The following TLL1 variants were observed in gnomAD, a reference collection of about 807,000 sequenced individuals.
TLL1 encodes tolloid-like protein 1.
In TLL1, 49 loss-of-function variants were observed where a neutral mutation model predicts 128.2. The observed-to-expected ratio is 0.38, with a 90% confidence interval of 0.30 to 0.48. TLL1 has a LOEUF of 0.48. TLL1 is among the 20% of genes least tolerant of loss of function. The pLI, the probability that TLL1 is intolerant of heterozygous loss-of-function variation, is 0.96. For synonymous variants in TLL1, 454 were observed against 418.8 expected (o/e 1.08, Z -1.03); for missense variants, 1,123 against 1,242.0 (o/e 0.90, Z 1.44).
chr4:165,992,308 G>C (rs1736680698), intron 2 of TLL1, among the ~76,000 whole-genome samples: 1 of 152,048 alleles, frequency 6.6e-6, no homozygotes, highest in Admixed American at 6.6e-5. Flanking sequence ...TTGTTAAAAT[G>C]TGATATGCTT....
intron 12 of TLL1, among the ~76,000 whole-genome samples, chr4:166,051,299 T>TTCCTTCCTTCCTTCC: frequency 7.9e-6 from 1 of 126,534 alleles, no homozygotes; most frequent in South Asian, 3.0e-4. Flanking sequence ...CCCTCCCTCC[T>TTCCTTCCTTCCTTCC]TTCCTTCCTT....
intron 8 of TLL1, among the ~76,000 whole-genome samples, chr4:166,016,646 TTTTA>T (rs1737965732): frequency 6.6e-6 from 1 of 152,068 alleles, no homozygotes. Flanking sequence ...GTGTACATTA[TTTTA>T]TTTAATACAA....
rs1485406353 is a variant in TLL1, at chr4:166,055,102, T to C, written c.1551T>C (p.Tyr517=). The C allele has an allele frequency of 6.2e-7, 1 of 1,612,274 alleles. No individual in the cohort carries two copies. The highest frequency in any genetic ancestry group is 8.5e-7 in the Non-Finnish European group (1 of 1,179,398). Residue 517 remains tyrosine, a synonymous_variant, in exon 13 of 21, where the codon TAT becomes TAC. Coordinates refer to ENST00000061240, the MANE Select transcript of TLL1 (RefSeq NM_012464.5). ...TTGAAAGACATGACAATTGTGCTTA[T>C]GACTACCTGGAAGTTAGAGATGGAA... ...FEIERHDNCA[Y]DYLEVRDGTS... is the part of the protein sequence containing the mutation.
intron 7 of TLL1, among the ~76,000 whole-genome samples, chr4:166,011,210 T>C (rs1737680088): frequency 6.6e-6 from 1 of 151,518 alleles, no homozygotes; most frequent in African/African-American, 2.4e-5. Context: ...GTTGGGATTC[T>C]GATAGAAATT....
At chr4:166,036,925 T>A (rs1347204998) in intron 9 of TLL1, among the ~76,000 whole-genome samples, 3 of 152,140 alleles carry the variant, frequency 2.0e-5, no homozygotes, top group African/African-American at 7.2e-5. Context: ...AATTTAGCTT[T>A]ATTTTTTTTC....
chr4:165,942,495 C>G (rs1298359569), intron 1 of TLL1, among the ~76,000 whole-genome samples: 1 of 151,778 alleles, frequency 6.6e-6, no homozygotes, highest in Non-Finnish European at 1.5e-5. Flanking sequence ...AAGTAACCTC[C>G]TATCTGTATT....
At chr4:165,911,476 A>G (rs1271807504) in intron 1 of TLL1, among the ~76,000 whole-genome samples, 1 of 152,160 alleles carries the variant, frequency 6.6e-6, no homozygotes, top group Non-Finnish European at 1.5e-5. Flanking sequence ...ATCTTTGATG[A>G]TGAGAATAGT....
chr4:166,015,182 C>A lies in TLL1; in HGVS notation c.1042+622C>A, dbSNP rs142542592. 4.0e-3 allele frequency among the ~76,000 whole-genome samples: 602 copies of A among 152,098 alleles called. 2 individuals are homozygous for A. In the Middle Eastern group the frequency reaches 0.041, roughly 10 times the overall value. ...AGATTCTGTTTTCCACATTAGAAAT[C>A]TAGATTCTATGTACCTCCAGTATAC... On this transcript the variant is annotated intron_variant, in intron 8 of 20. Coordinates refer to ENST00000061240, the MANE Select transcript of TLL1 (RefSeq NM_012464.5).
chr4:165,895,845 A>C (rs1438424676), intron 1 of TLL1, among the ~76,000 whole-genome samples: 1 of 152,114 alleles, frequency 6.6e-6, no homozygotes, highest in Non-Finnish European at 1.5e-5. Flanking sequence ...AAATAGAATG[A>C]AATAGAGAAT....
chr4:165,893,773 G>A (rs1731525634), intron 1 of TLL1, among the ~76,000 whole-genome samples: 1 of 152,094 alleles, frequency 6.6e-6, no homozygotes. Context: ...AGAATATTGA[G>A]AAGAGTTTGC....
intron 1 of TLL1, among the ~76,000 whole-genome samples, chr4:165,895,260 TC>T (rs1007898160): frequency 6.6e-5 from 10 of 152,064 alleles, no homozygotes; most frequent in African/African-American, 2.4e-4. Flanking sequence ...CCAATGGAAT[TC>T]CTAATAGAGC....
chr4:165,953,122 A>T (rs1030760148), intron 1 of TLL1, among the ~76,000 whole-genome samples: 2 of 152,180 alleles, frequency 1.3e-5, no homozygotes, highest in African/African-American at 2.4e-5. Context: ...TACAAAAAGT[A>T]TTAGGTTTGA....
chr4:165,939,960 CTCTCTTTTAAATCTTGCAT>C (rs1314241252), intron 1 of TLL1, among the ~76,000 whole-genome samples: 1 of 151,964 alleles, frequency 6.6e-6, no homozygotes, highest in Non-Finnish European at 1.5e-5. Flanking sequence ...ATTTTCATTA[CTCTCTTTTAAATCTTGCAT>C]TCTCTTTTGT....
intron 1 of TLL1, among the ~76,000 whole-genome samples, chr4:165,962,377 T>A (rs74353439): frequency 0.022 from 3,374 of 152,268 alleles, 105 homozygotes; most frequent in African/African-American, 0.076. Flanking sequence ...TGAGACACCA[T>A]CTTACACCAC....
At chr4:165,936,950 C>T (rs576792412) in intron 1 of TLL1, among the ~76,000 whole-genome samples, 7 of 152,056 alleles carry the variant, frequency 4.6e-5, no homozygotes, top group Middle Eastern at 3.4e-3. Context: ...AAGCAAAAAA[C>T]GAAAGACACC....
intron 2 of TLL1, among the ~76,000 whole-genome samples, chr4:165,989,768 C>T (rs1430517118): frequency 6.6e-6 from 1 of 151,332 alleles, no homozygotes; most frequent in Non-Finnish European, 1.5e-5. Context: ...ACAACCCCCT[C>T]AGGGTAGTTA....
intron 1 of TLL1, among the ~76,000 whole-genome samples, chr4:165,920,966 T>G (rs1228340225): frequency 6.6e-6 from 1 of 152,216 alleles, no homozygotes; most frequent in East Asian, 1.9e-4. Flanking sequence ...TTACAAATAG[T>G]ACTTTCCTTA....
intron 1 of TLL1, among the ~76,000 whole-genome samples, chr4:165,942,576 ATG>A (rs1338019052): frequency 1.3e-5 from 2 of 150,140 alleles, no homozygotes; most frequent in African/African-American, 2.5e-5. Context: ...TGAGAGCAGA[ATG>A]TGTGTGTGTT....
chr4:165,951,740 T>A (rs1245117331), intron 1 of TLL1, among the ~76,000 whole-genome samples: 1 of 152,116 alleles, frequency 6.6e-6, no homozygotes, highest in African/African-American at 2.4e-5. Context: ...TTTCATAAGC[T>A]CCCTACTCAG....
Sources: allele counts gnomAD v4.1 joint callset (sites outside exome capture counted in the v4.1 genomes callset), GRCh38; gene constraint gnomAD v4.1.1; transcripts MANE v1.5; gene names NCBI Gene and HGNC (gene_info 2026-07-23, HGNC 2026-07-21).